Variants in TIAM1 observed in about 807,000 individuals in gnomAD.
The protein encoded by TIAM1 is TIAM Rac1 associated GEF 1.
Under a neutral mutation model 163.5 loss-of-function variants are expected in TIAM1, and 65 were observed. The ratio of observed to expected loss-of-function variants is 0.40; its 90% confidence interval spans 0.33 to 0.49. TIAM1 has a LOEUF of 0.49. Ranked by LOEUF, TIAM1 falls within the 20% of genes least tolerant of loss-of-function variation. TIAM1 has a pLI of 0.77. For synonymous variants in TIAM1, 833 were observed against 810.1 expected, an observed-to-expected ratio of 1.03 and a Z score of -0.48; for missense variants, 1,789 against 2,044.7, an observed-to-expected ratio of 0.87 and a Z score of 2.41.
intron 15 of TIAM1, among the ~76,000 whole-genome samples, chr21:31,172,565 C>A (rs2084565268): frequency 6.6e-6 from 1 of 152,112 alleles, no homozygotes; most frequent in South Asian, 2.1e-4. Context: ...ATCCACATCC[C>A]AGTACTGAGC....
chr21:31,274,326 A>G (rs1220090814), intron 3 of TIAM1, among the ~76,000 whole-genome samples: 3 of 152,218 alleles, frequency 2.0e-5, no homozygotes, highest in Non-Finnish European at 4.4e-5. Flanking sequence ...CCTGTACTGC[A>G]TAAGAAAATA....
chr21:31,175,608 T>C (rs1253676380), intron 15 of TIAM1, among the ~76,000 whole-genome samples: 1 of 151,810 alleles, frequency 6.6e-6, no homozygotes, highest in Non-Finnish European at 1.5e-5. Context: ...TTATAAAACT[T>C]TTTTTTTTGA....
intron 2 of TIAM1, among the ~76,000 whole-genome samples, chr21:31,381,209 A>G (rs2076773914): frequency 6.6e-6 from 1 of 152,124 alleles, no homozygotes; most frequent in Non-Finnish European, 1.5e-5. Flanking sequence ...CAAAATCCGT[A>G]TGTTGAAATT....
intron 2 of TIAM1, among the ~76,000 whole-genome samples, chr21:31,462,918 TTTG>T (rs2045388418): frequency 6.6e-6 from 1 of 152,092 alleles, no homozygotes; most frequent in African/African-American, 2.4e-5. Flanking sequence ...AATTTTTGTA[TTTG>T]GAGTAGAGAT....
chr21:31,235,833 G>GGT (rs1423078036), intron 6 of TIAM1, among the ~76,000 whole-genome samples: 1 of 152,164 alleles, frequency 6.6e-6, no homozygotes, highest in Non-Finnish European at 1.5e-5. Context: ...CTGCAGTGTG[G>GGT]GGAAACCTCT....
chr21:31,250,394 C>T lies in TIAM1; in HGVS notation c.1411+1348G>A, dbSNP rs114704785. Reference sequence around the variant, plus strand: ...ATATCCTGACCAATACCCTCCCTTCCTGTGTCATCAGGCATCTGAGCAACA... The same window carrying T: ...ATATCCTGACCAATACCCTCCCTTCTTGTGTCATCAGGCATCTGAGCAACA... On this transcript the variant is annotated intron_variant, in intron 5 of 27. Coordinates refer to ENST00000541036, the MANE Select transcript of TIAM1 (RefSeq NM_001353694.2). 2.7e-3 allele frequency among the ~76,000 whole-genome samples: 411 copies of T among 152,274 alleles called. 4 individuals are homozygous for T. Among genetic ancestry groups the T allele is most frequent in the African/African-American group, 9.7e-3 (402 of 41,552 alleles).
chr21:31,366,096 A>G, intron 2 of TIAM1, among the ~76,000 whole-genome samples: 1 of 151,312 alleles, frequency 6.6e-6, no homozygotes, highest in Non-Finnish European at 1.5e-5. Flanking sequence ...AAAAAAAAAA[A>G]AAAAAAAAAA....
At chr21:31,145,103 AAC>A (rs2083050156) in intron 20 of TIAM1, among the ~76,000 whole-genome samples, 1 of 152,142 alleles carries the variant, frequency 6.6e-6, no homozygotes, top group Non-Finnish European at 1.5e-5. Flanking sequence ...TTTTAAAAGA[AAC>A]ACACTGCACA....
chr21:31,148,232 C>T (rs2083225480), intron 19 of TIAM1, among the ~76,000 whole-genome samples: 1 of 152,008 alleles, frequency 6.6e-6, no homozygotes, highest in Non-Finnish European at 1.5e-5. Context: ...TGTGTCCTCA[C>T]TCAAATCTCA....
At chr21:31,536,636 G>A (rs555163375) in intron 1 of TIAM1, among the ~76,000 whole-genome samples, 6 of 152,250 alleles carry the variant, frequency 3.9e-5, no homozygotes, top group Non-Finnish European at 7.3e-5. Context: ...CTGCTGACGT[G>A]TGTCCCCCAG....
intron 1 of TIAM1, among the ~76,000 whole-genome samples, chr21:31,553,641 C>A (rs2048769629): frequency 6.6e-6 from 1 of 152,102 alleles, no homozygotes; most frequent in African/African-American, 2.4e-5. Flanking sequence ...GATCTTGCCC[C>A]AGGATCTGAA....
At position 31,393,598 on chromosome 21, in the gene TIAM1, A is replaced by T. The variant is rs943057882; in HGVS notation, c.-368-54176T>A. ...ATCCTCTCCACCACCACTGAGAACCATGGCTAAAGTATATCTGAATTTTTT... is the reference window on the plus strand; with the variant it reads ...ATCCTCTCCACCACCACTGAGAACCTTGGCTAAAGTATATCTGAATTTTTT... On this transcript the variant is annotated intron_variant, in intron 2 of 28. Transcript: ENST00000286827. 5.9e-5 allele frequency among the ~76,000 whole-genome samples: 9 copies of T among 152,292 alleles called. No homozygotes were observed. The East Asian group carries it at 1.5e-3, about 26-fold the overall frequency.
intron 2 of TIAM1, among the ~76,000 whole-genome samples, chr21:31,331,352 G>A (rs1172588003): frequency 1.3e-5 from 2 of 152,134 alleles, no homozygotes; most frequent in South Asian, 4.1e-4. Context: ...TTGGAAAAGG[G>A]GAGCTCACCA....
At chr21:31,135,189 C>A (rs1016830211) in intron 23 of TIAM1, among the ~76,000 whole-genome samples, 1 of 152,146 alleles carries the variant, frequency 6.6e-6, no homozygotes, top group Non-Finnish European at 1.5e-5. Context: ...GTTTTATATT[C>A]ATGAACAACA....
rs150172042 is a variant in TIAM1 at position 31,444,085 on chromosome 21, A to C, written c.-369+19898T>G. On this transcript the variant is annotated intron_variant, in intron 2 of 28. Transcript: ENST00000286827. ...GAAATTGATGAGATTTCATTAAGTAAAAAATTTCATGAAAATCAATCCTAA... is the reference window on the plus strand; with the variant it reads ...GAAATTGATGAGATTTCATTAAGTACAAAATTTCATGAAAATCAATCCTAA... 1.8e-4 allele frequency among the ~76,000 whole-genome samples: 27 copies of C among 152,308 alleles called. No individual in the cohort carries two copies. The East Asian group carries it at 5.0e-3, about 28-fold the overall frequency.
At chr21:31,401,867 C>T (rs893943934) in intron 2 of TIAM1, among the ~76,000 whole-genome samples, 6 of 150,938 alleles carry the variant, frequency 4.0e-5, no homozygotes, top group African/African-American at 1.5e-4. Context: ...GCTAGAACCG[C>T]ACTACTGCCC....
At chr21:31,271,702 C>CACCTCTCCCCATAGTCAGGGTAAT (rs3831795) in intron 3 of TIAM1, among the ~76,000 whole-genome samples, 32,649 of 152,036 alleles carry the variant, frequency 0.21, 4,319 homozygotes, top group East Asian at 0.41. Flanking sequence ...GTTGAGAGGG[C>CACCTCTCCCCATAGTCAGGGTAAT]AAGTGTAGAA....
intron 2 of TIAM1, among the ~76,000 whole-genome samples, chr21:31,445,718 G>C (rs1203291445): frequency 1.3e-5 from 2 of 152,050 alleles, no homozygotes; most frequent in African/African-American, 4.8e-5. Context: ...GTTTATTCAA[G>C]ACTATCAACC....
chr21:31,493,646 GC>G (rs1394009518), intron 1 of TIAM1, among the ~76,000 whole-genome samples: 2 of 152,224 alleles, frequency 1.3e-5, no homozygotes, highest in African/African-American at 2.4e-5. Context: ...ATGCCAGGCT[GC>G]CTTGGTTTGA....
Sources: gnomAD v4.1 joint callset for allele counts (sites outside exome capture counted in the v4.1 genomes callset) on GRCh38, gnomAD v4.1.1 for gene constraint, MANE v1.5 for transcripts, NCBI Gene and HGNC (gene_info 2026-07-23, HGNC 2026-07-21) for gene names.